The following IGF2R variants were observed in gnomAD, a reference collection of about 807,000 sequenced individuals.
The protein encoded by IGF2R is insulin like growth factor 2 receptor.
A neutral mutation model predicts 270.6 loss-of-function variants in IGF2R; 91 were observed. The ratio of observed to expected loss-of-function variants is 0.34; its 90% CI spans 0.28 to 0.40. The LOEUF is 0.40. Ranked by LOEUF, IGF2R falls within the 10% of genes least tolerant of loss-of-function variation. The pLI is 1.00. For synonymous variants in IGF2R, 1,316 were observed against 1,258.9 expected (o/e 1.05, Z -0.96); for missense variants, 2,805 against 3,188.3 (o/e 0.88, Z 2.90).
At position 160,106,703 on chromosome 6, in the gene IGF2R, T is replaced by C. The variant is rs1430810565; in HGVS notation, c.*1619T>C. ...TTATGAGGCAGCACTTTCATTTTTC[T>C]CCAGAGTCTCCTGGTCGTAGGTGTT... On this transcript the variant is annotated 3_prime_UTR_variant, in exon 48 of 48. Transcript: ENST00000356956. 6.6e-6 allele frequency: 1 copy of C among 152,202 alleles called. No individual in the cohort carries two copies. The highest frequency in any genetic ancestry group is 1.5e-5 in the Non-Finnish European group (1 of 68,036). The allele number at this position is 152,202 out of a possible 1,614,324, so 9.4% of individuals were successfully genotyped here.
chr6:160,032,629 G>T lies in IGF2R; in HGVS notation c.961G>T (p.Asp321Tyr). 1 of 1,614,218 alleles carries T rather than the reference G, an allele frequency of 6.2e-7. No homozygotes were observed. Among genetic ancestry groups the T allele is most frequent in the South Asian group, 1.1e-5 (1 of 91,086 alleles). ...EWITEYACHR[D>Y]YLESKTCSLS... is the part of the protein sequence containing the mutation. ...GATTACTGAGTATGCCTGCCACAGA[G>T]ATTACCTGGAAAGTAAAACTTGTTC... Residue 321 changes from aspartate to tyrosine, a missense_variant, in exon 8 of 48, where the codon GAT becomes TAT. By Grantham distance (160) the Asp-to-Tyr change is radical (BLOSUM62 -3). Around this residue, in one of 2 missense-constraint regions of IGF2R, gnomAD observed 954 missense variants for 981.1 expected, o/e 0.97. Transcript: ENST00000356956.
intron 4 of IGF2R, among the ~76,000 whole-genome samples, chr6:160,023,555 C>T (rs927361297): frequency 6.6e-6 from 1 of 152,204 alleles, no homozygotes; most frequent in Non-Finnish European, 1.5e-5. Context: ...TCAGGCCTTA[C>T]AGCAGCCCCA....
chr6:160,080,485 T>G (rs1416791608), intron 39 of IGF2R, among the ~76,000 whole-genome samples: 1 of 152,224 alleles, frequency 6.6e-6, no homozygotes, highest in Non-Finnish European at 1.5e-5. Flanking sequence ...GTGGTAGAGC[T>G]GCCGTGAGAT....
chr6:160,008,927 A>G (rs151209415), intron 2 of IGF2R, 83 bp from the exon 3 acceptor site: 2 of 1,364,444 alleles, frequency 1.5e-6, no homozygotes, highest in East Asian at 2.3e-5. Context: ...TTATAATGCT[A>G]CTTTTAATTT....
rs1373956831 is a variant in IGF2R, at chr6:160,032,674, G to T, written c.1006G>T (p.Asp336Tyr). ...KTCSLSGEQQ[D>Y]VSIDLTPLAQ... ...TTGTTCTCTGAGCGGCGAGCAGCAG[G>T]ATGTCTCCATAGACCTCACACCACT... Residue 336 changes from aspartate to tyrosine, a missense_variant, in exon 8 of 48, where the codon GAT becomes TAT. Physicochemically the swap from Asp to Tyr is radical, Grantham distance 160. Around this residue, in one of 2 missense-constraint regions of IGF2R, gnomAD observed 954 missense variants for 981.1 expected, o/e 0.97. Transcript: ENST00000356956. The T allele has an allele frequency of 6.2e-7, 1 of 1,614,166 alleles. No individual in the cohort carries two copies. The highest frequency in any genetic ancestry group is 8.5e-7 in the Non-Finnish European group (1 of 1,180,046).
At chr6:160,045,086 A>G (rs987310137) in intron 13 of IGF2R, among the ~76,000 whole-genome samples, 2 of 152,232 alleles carry the variant, frequency 1.3e-5, no homozygotes, top group Non-Finnish European at 2.9e-5. Context: ...CAAAATTTTT[A>G]TGGTAACAAA....
At chr6:160,018,522 C>T (rs559209043) in intron 4 of IGF2R, among the ~76,000 whole-genome samples, 2 of 151,982 alleles carry the variant, frequency 1.3e-5, no homozygotes, top group Non-Finnish European at 2.9e-5. Context: ...AACATATATT[C>T]TTCTCATCAG....
chr6:160,030,359 C>T (rs1023629008), intron 7 of IGF2R, among the ~76,000 whole-genome samples: 6 of 152,134 alleles, frequency 3.9e-5, no homozygotes, highest in Non-Finnish European at 7.3e-5. Context: ...GGGCTGAATT[C>T]TTTTGCCAGA....
chr6:159,978,374 C>G (rs1200519147), intron 1 of IGF2R, among the ~76,000 whole-genome samples: 1 of 151,550 alleles, frequency 6.6e-6, no homozygotes, highest in East Asian at 1.9e-4. Context: ...CGGGGGTCAC[C>G]CTCCTGCATG....
intron 11 of IGF2R, 34 bp from the exon 12 acceptor site, chr6:160,043,114 C>A: frequency 6.2e-7 from 1 of 1,609,922 alleles, no homozygotes; most frequent in Non-Finnish European, 8.5e-7. Flanking sequence ...ATCAGCATTG[C>A]TTTTGGCTAA....
rs1439673925 is a variant in IGF2R at position 160,106,029 on chromosome 6, T to G, written c.*945T>G. On this transcript the variant is annotated 3_prime_UTR_variant, in exon 48 of 48. Coordinates refer to ENST00000356956, the MANE Select transcript of IGF2R (RefSeq NM_000876.4). ...CAGGTTCTCATGATACCACCTTTAC[T>G]GTGCTTATTTTTTTAAGAAAAAAGT... is the stretch of plus-strand genomic sequence containing the variant. The G allele has an allele frequency of 6.6e-6, 1 of 152,408 alleles. No individual in the cohort carries two copies. The highest frequency in any genetic ancestry group is 6.5e-5 in the Admixed American group (1 of 15,278). The allele number at this position is 152,408 out of a possible 1,614,324, so 9.4% of individuals were successfully genotyped here.
rs529406534 is a variant in IGF2R at position 160,106,616 on chromosome 6, T to G, written c.*1532T>G. ...CGAGCGAGTTACCCATCTGCCTGCC[T>G]GTCTTTTCTTTCTGTTAAGTGACTG... On this transcript the variant is annotated 3_prime_UTR_variant, in exon 48 of 48. Coordinates refer to ENST00000356956, the MANE Select transcript of IGF2R (RefSeq NM_000876.4). The G allele has an allele frequency of 6.6e-6, 1 of 152,370 alleles. No homozygotes were observed. The highest frequency in any genetic ancestry group is 1.9e-4 in the East Asian group (1 of 5,192). 9.4% of individuals were successfully genotyped at this position (152,370 alleles called of 1,614,324 possible). A position where few individuals can be genotyped will look rare whatever the true frequency, so the allele number is the denominator to read the frequency against.
chr6:159,975,368 C>A (rs774723208), intron 1 of IGF2R, among the ~76,000 whole-genome samples: 15 of 152,128 alleles, frequency 9.9e-5, no homozygotes, highest in Admixed American at 7.2e-4. Context: ...GGCTCACTAC[C>A]CTCCAGGAAT....
In IGF2R at chr6:160,089,982, C is replaced by G; in HGVS notation, c.6534C>G (p.Ser2178=). Residue 2178 remains serine, a synonymous_variant, in exon 44 of 48, where the codon TCC becomes TCG. Coordinates refer to ENST00000356956, the MANE Select transcript of IGF2R (RefSeq NM_000876.4). ...GDNYLYEIQL[S]SITSSRNPAC... The stretch of plus-strand genomic sequence containing the variant: ...ACTACCTGTATGAGATCCAACTTTC[C>G]TCCATCACAAGCTCCAGAAACCCGG... 1.2e-6 allele frequency: 2 copies of G among 1,607,444 alleles called. No homozygotes were observed. Among genetic ancestry groups the G allele is most frequent in the Non-Finnish European group, 1.7e-6 (2 of 1,177,052 alleles).
intron 13 of IGF2R, among the ~76,000 whole-genome samples, chr6:160,045,472 C>T (rs1293246445): frequency 6.6e-6 from 1 of 152,176 alleles, no homozygotes; most frequent in East Asian, 1.9e-4. Flanking sequence ...ATCTCCAGAA[C>T]TTTTTGATCC....
chr6:160,087,205 G>A (rs1779113978), intron 41 of IGF2R, among the ~76,000 whole-genome samples: 1 of 152,210 alleles, frequency 6.6e-6, no homozygotes, highest in Admixed American at 6.5e-5. Flanking sequence ...ACCACAGTTG[G>A]TTTCTGTTTC....
intron 29 of IGF2R, among the ~76,000 whole-genome samples, 180 bp from the exon 30 acceptor site, chr6:160,068,069 T>G (rs1248384115): frequency 4.7e-5 from 3 of 64,160 alleles, no homozygotes; most frequent in Admixed American, 1.7e-4. Context: ...ATGGGGGGTG[T>G]GTGTGTGTGT....
chr6:160,091,626 G>A (rs549467242), intron 44 of IGF2R, among the ~76,000 whole-genome samples: 2 of 152,346 alleles, frequency 1.3e-5, no homozygotes, highest in East Asian at 1.9e-4. Context: ...TCCACAGCAC[G>A]GAGCTAGCAC....
chr6:160,040,844 C>T (rs1318077214), intron 11 of IGF2R, 120 bp downstream of exon 11: 8 of 961,756 alleles, frequency 8.3e-6, no homozygotes, highest in Non-Finnish European at 1.2e-5. Flanking sequence ...CAGCCCTCCC[C>T]CAGTTTTTTC....
Sources: allele counts gnomAD v4.1 joint callset (sites outside exome capture counted in the v4.1 genomes callset), GRCh38; gene constraint gnomAD v4.1.1; regional missense constraint gnomAD v4.1.1; transcripts MANE v1.5; gene names NCBI Gene and HGNC (gene_info 2026-07-23, HGNC 2026-07-21).